The following KCTD8 variants were observed in gnomAD, a reference collection of about 807,000 sequenced individuals.
The protein encoded by KCTD8 is potassium channel tetramerization domain containing 8, also known as BTB/POZ domain-containing protein KCTD8.
KCTD8 carries 27 observed loss-of-function variants against 31.5 expected under a neutral mutation model. That is an observed-to-expected ratio of 0.86 (90% CI 0.63 to 1.18). The LOEUF is 1.18. Among genes scored for constraint, KCTD8 ranks in the 50% most tolerant of loss-of-function variants. KCTD8 has a pLI of 0.00. For synonymous variants in KCTD8, 290 were observed against 280.0 expected (o/e 1.04, Z -0.36); for missense variants, 658 against 647.7 (o/e 1.02, Z -0.17).
intron 1 of KCTD8, among the ~76,000 whole-genome samples, chr4:44,192,138 G>A (rs557012711): frequency 4.6e-5 from 7 of 152,244 alleles, no homozygotes; most frequent in East Asian, 1.9e-4. Context: ...GGGTTCCCCC[G>A]ATAAATGCTT....
chr4:44,192,827 G>C (rs1026202972), intron 1 of KCTD8, among the ~76,000 whole-genome samples: 1 of 152,160 alleles, frequency 6.6e-6, no homozygotes, highest in Non-Finnish European at 1.5e-5. Context: ...AGAATAAAAG[G>C]AGGCAGAAGA....
intron 1 of KCTD8, among the ~76,000 whole-genome samples, chr4:44,198,094 C>T (rs1714000282): frequency 1.3e-5 from 2 of 151,826 alleles, no homozygotes; most frequent in South Asian, 4.2e-4. Flanking sequence ...CTCAGTCAGA[C>T]AAAAGTAAAG....
In KCTD8 at chr4:44,244,210, T is replaced by C. The variant is rs574759433; in HGVS notation, c.962-68960A>G. Among the ~76,000 whole-genome samples the C allele has an allele frequency of 2.6e-5, 4 of 152,358 alleles. No homozygotes were observed. In the South Asian group the frequency reaches 6.2e-4, roughly 24 times the overall value. On this transcript the variant is annotated intron_variant, in intron 1 of 1. Transcript: ENST00000360029. ...TGTTATTCATGCTTTTCCTCTTCAGTACCCTAAACAGGTTTTCTTCCTTTT... is the reference window on the plus strand; with the variant it reads ...TGTTATTCATGCTTTTCCTCTTCAGCACCCTAAACAGGTTTTCTTCCTTTT...
chr4:44,431,119 C>T (rs1418746180), intron 1 of KCTD8, among the ~76,000 whole-genome samples: 2 of 151,536 alleles, frequency 1.3e-5, no homozygotes, highest in Non-Finnish European at 3.0e-5. Flanking sequence ...ATTAAGCAAC[C>T]ACTGACAAAG....
intron 1 of KCTD8, among the ~76,000 whole-genome samples, chr4:44,283,627 TG>T (rs1427118632): frequency 2.6e-5 from 4 of 152,136 alleles, no homozygotes; most frequent in African/African-American, 9.7e-5. Flanking sequence ...GTTTACAGCA[TG>T]GTTTACTATT....
chr4:44,407,613 C>A (rs893870611), intron 1 of KCTD8, among the ~76,000 whole-genome samples: 3 of 151,860 alleles, frequency 2.0e-5, no homozygotes, highest in African/African-American at 7.3e-5. Flanking sequence ...CTCAAACCCC[C>A]GACCTCAGAT....
At chr4:44,245,284 A>G in intron 1 of KCTD8, among the ~76,000 whole-genome samples, 1 of 152,118 alleles carries the variant, frequency 6.6e-6, no homozygotes, top group African/African-American at 2.4e-5. Context: ...TTTAAAATAT[A>G]TAAAATATTA....
chr4:44,359,677 A>G (rs1206476958), intron 1 of KCTD8, among the ~76,000 whole-genome samples: 1 of 152,108 alleles, frequency 6.6e-6, no homozygotes, highest in Non-Finnish European at 1.5e-5. Flanking sequence ...GACCTAACTT[A>G]TGCAGAGCAT....
chr4:44,399,364 G>A (rs953234576), intron 1 of KCTD8, among the ~76,000 whole-genome samples: 2 of 152,070 alleles, frequency 1.3e-5, no homozygotes, highest in Admixed American at 1.3e-4. Context: ...TCAGATGGAA[G>A]TAACGCTGAA....
intron 1 of KCTD8, among the ~76,000 whole-genome samples, chr4:44,432,791 T>A (rs533228664): frequency 6.6e-6 from 1 of 151,832 alleles, no homozygotes; most frequent in South Asian, 2.1e-4. Flanking sequence ...TCTTTCATTA[T>A]CTCTAAAATC....
chr4:44,204,877 AAG>A lies in KCTD8; in HGVS notation c.962-29629_962-29628del, dbSNP rs1327953045. Among the ~76,000 whole-genome samples, 4 of 152,162 alleles carry A rather than the reference AAG, an allele frequency of 2.6e-5. No individual in the cohort carries two copies. The South Asian group carries it at 8.3e-4, about 32-fold the overall frequency. ...GTTTATCTAAAACTGGAAAACTCAT[AAG>A]AGAGTTTTATATGGAATCTGGACAC... On this transcript the variant is annotated intron_variant, in intron 1 of 1. Coordinates refer to ENST00000360029, the MANE Select transcript of KCTD8 (RefSeq NM_198353.3).
At position 44,401,560 on chromosome 4, in the gene KCTD8, A is replaced by T. The variant is rs192680976; in HGVS notation, c.961+46003T>A. Among the ~76,000 whole-genome samples, 851 of 152,324 alleles carry T rather than the reference A, an allele frequency of 5.6e-3. 12 individuals carry two copies. The highest frequency in any genetic ancestry group is 0.019 in the African/African-American group (800 of 41,588). On this transcript the variant is annotated intron_variant, in intron 1 of 1. Transcript: ENST00000360029. ...TAATGTTAAAGAGCATTATCATACAACATGGCCCCAGAAGTTAGAAAGATT... is the reference window on the plus strand; with the variant it reads ...TAATGTTAAAGAGCATTATCATACATCATGGCCCCAGAAGTTAGAAAGATT...
chr4:44,257,700 C>G (rs942763611), intron 1 of KCTD8, among the ~76,000 whole-genome samples: 5 of 151,952 alleles, frequency 3.3e-5, no homozygotes, highest in Non-Finnish European at 5.9e-5. Context: ...CTGATGTCAT[C>G]GGTGCCAGCT....
At chr4:44,181,517 G>A (rs1453011906) in intron 1 of KCTD8, among the ~76,000 whole-genome samples, 1 of 152,176 alleles carries the variant, frequency 6.6e-6, no homozygotes, top group Admixed American at 6.5e-5. Flanking sequence ...CGAGGCGCCG[G>A]GATTGCAGAC....
At chr4:44,327,808 C>T (rs1718487758) in intron 1 of KCTD8, among the ~76,000 whole-genome samples, 1 of 151,716 alleles carries the variant, frequency 6.6e-6, no homozygotes, top group South Asian at 2.1e-4. Flanking sequence ...GAAGTAGATC[C>T]TAACTCATAC....
At chr4:44,346,641 G>A (rs1393349391) in intron 1 of KCTD8, among the ~76,000 whole-genome samples, 1 of 152,074 alleles carries the variant, frequency 6.6e-6, no homozygotes, top group East Asian at 1.9e-4. Flanking sequence ...CCACCTCTTG[G>A]CTACATGAAA....
chr4:44,359,193 T>G (rs1719434604), intron 1 of KCTD8, among the ~76,000 whole-genome samples: 1 of 152,142 alleles, frequency 6.6e-6, no homozygotes, highest in Non-Finnish European at 1.5e-5. Flanking sequence ...AATTTTGTCT[T>G]TTGTTGCCAT....
At chr4:44,207,983 A>C (rs1714366578) in intron 1 of KCTD8, among the ~76,000 whole-genome samples, 1 of 152,168 alleles carries the variant, frequency 6.6e-6, no homozygotes, top group Admixed American at 6.6e-5. Flanking sequence ...AGCTGAAATG[A>C]TCCCACTTGA....
At chr4:44,210,589 C>T (rs1053367202) in intron 1 of KCTD8, among the ~76,000 whole-genome samples, 1 of 152,150 alleles carries the variant, frequency 6.6e-6, no homozygotes, top group African/African-American at 2.4e-5. Flanking sequence ...TTACTAAAAA[C>T]TCCCATAAGA....
Sources: allele counts gnomAD v4.1 joint callset (sites outside exome capture counted in the v4.1 genomes callset), GRCh38; gene constraint gnomAD v4.1.1; transcripts MANE v1.5; gene names NCBI Gene and HGNC (gene_info 2026-07-23, HGNC 2026-07-21).